Variants in SPON1 observed in about 807,000 individuals in gnomAD.
The protein encoded by SPON1 is spondin-1.
A neutral mutation model predicts 111.7 loss-of-function variants in SPON1; 52 were observed. That is an observed-to-expected ratio of 0.47 (90% CI 0.37 to 0.59). SPON1 has a LOEUF of 0.59. Among genes scored for constraint, SPON1 ranks in the 20% least tolerant of loss-of-function variants. The pLI, the probability that SPON1 is intolerant of heterozygous loss-of-function variation, is 0.00. For synonymous variants in SPON1, 410 were observed against 395.8 expected, an observed-to-expected ratio of 1.04 and a Z score of -0.43; for missense variants, 957 against 1,068.5, an observed-to-expected ratio of 0.90 and a Z score of 1.46.
intron 6 of SPON1, among the ~76,000 whole-genome samples, chr11:14,197,884 G>A (rs953395317): frequency 6.6e-6 from 1 of 152,080 alleles, no homozygotes; most frequent in Non-Finnish European, 1.5e-5. Context: ...CTTGGAAGGG[G>A]CCTGACCAAA....
Position 14,135,688 on chromosome 11 carries a change from T to C in SPON1, c.825+120T>C. 9.8e-7 allele frequency: 1 copy of C among 1,024,624 alleles called. No homozygotes were observed. Among genetic ancestry groups the C allele is most frequent in the Non-Finnish European group, 1.4e-6 (1 of 700,840 alleles). 63.5% of individuals were successfully genotyped at this position (1,024,624 alleles called of 1,614,324 possible). ...ATGTGGTGGAAGAAAATCTATTTGC[T>C]GAGTTTGGGGGTTTTATGTTAAGTA... On this transcript the variant is annotated intron_variant, in intron 6 of 15. Coordinates refer to ENST00000576479, the MANE Select transcript of SPON1 (RefSeq NM_006108.4). The surrounding 1 kb of genome is among the most constrained non-coding windows in gnomAD (Gnocchi z 4.4).
chr11:14,021,915 G>C (rs1330732341), intron 2 of SPON1, among the ~76,000 whole-genome samples: 1 of 152,110 alleles, frequency 6.6e-6, no homozygotes, highest in African/African-American at 2.4e-5. Flanking sequence ...AAGAACAAAG[G>C]GACCAGGGAT....
At chr11:13,983,321 G>A (rs987317093) in intron 2 of SPON1, among the ~76,000 whole-genome samples, 3 of 152,218 alleles carry the variant, frequency 2.0e-5, no homozygotes, top group African/African-American at 4.8e-5. Flanking sequence ...ACAAGAGCTC[G>A]GGACCGCCAG....
chr11:14,094,137 G>A (rs577029826), intron 5 of SPON1, among the ~76,000 whole-genome samples: 2 of 151,910 alleles, frequency 1.3e-5, no homozygotes, highest in East Asian at 3.9e-4. Context: ...GCTTGAACCT[G>A]GGAGGCAGAG....
At chr11:14,234,221 C>T (rs1554939018) in intron 6 of SPON1, among the ~76,000 whole-genome samples, 1 of 152,176 alleles carries the variant, frequency 6.6e-6, no homozygotes, top group East Asian at 1.9e-4. Context: ...GGCAGACAGC[C>T]CTTGCTTGAT....
chr11:14,105,937 C>T (rs973185178), intron 5 of SPON1, among the ~76,000 whole-genome samples: 1 of 152,140 alleles, frequency 6.6e-6, no homozygotes, highest in African/African-American at 2.4e-5. Context: ...AGTCCCATTA[C>T]CACTGAGAGG....
At chr11:14,105,144 G>A (rs1413136995) in intron 5 of SPON1, among the ~76,000 whole-genome samples, 2 of 151,870 alleles carry the variant, frequency 1.3e-5, no homozygotes, top group Non-Finnish European at 2.9e-5. Context: ...TTTTCTTCTA[G>A]TGGATCTTTT....
At chr11:14,157,625 TC>T (rs781822917) in intron 6 of SPON1, among the ~76,000 whole-genome samples, 14 of 152,158 alleles carry the variant, frequency 9.2e-5, no homozygotes, top group Non-Finnish European at 1.3e-4. Context: ...ATTGGTTCTA[TC>T]CCAATATTCT....
intron 6 of SPON1, among the ~76,000 whole-genome samples, chr11:14,226,521 A>G (rs1370052546): frequency 1.3e-5 from 2 of 152,230 alleles, no homozygotes. Context: ...CATATCACAA[A>G]TTGCTAGCCT....
At chr11:14,127,418 C>T (rs1847473137) in intron 5 of SPON1, among the ~76,000 whole-genome samples, 1 of 152,140 alleles carries the variant, frequency 6.6e-6, no homozygotes, top group Non-Finnish European at 1.5e-5. Flanking sequence ...CCCCCTACCA[C>T]TGCCCTAAGT....
intron 6 of SPON1, among the ~76,000 whole-genome samples, chr11:14,160,403 TTA>T (rs1330669834): frequency 0.014 from 380 of 27,660 alleles, 63 homozygotes; most frequent in African/African-American, 0.034. Context: ...ATATATATAT[TTA>T]TATATATATA....
At chr11:14,258,022 C>T (rs1554941428) in intron 11 of SPON1, 124 bp downstream of exon 11, 2 of 846,908 alleles carry the variant, frequency 2.4e-6, no homozygotes, top group Non-Finnish European at 3.4e-6. Flanking sequence ...CAGTGGGGTC[C>T]ACCTTGGGCA....
intron 7 of SPON1, among the ~76,000 whole-genome samples, chr11:14,244,093 C>A (rs1266591000): frequency 1.3e-5 from 2 of 152,178 alleles, no homozygotes; most frequent in East Asian, 3.9e-4. Context: ...GCTCACAAAT[C>A]AGTCCTTACT....
chr11:14,010,053 G>A (rs116735960), intron 2 of SPON1, among the ~76,000 whole-genome samples: 1,611 of 152,308 alleles, frequency 0.011, 30 homozygotes, highest in African/African-American at 0.037. Flanking sequence ...GACACACAGA[G>A]ATGCTCAATA....
intron 6 of SPON1, among the ~76,000 whole-genome samples, chr11:14,145,614 G>T (rs1161801009): frequency 3.9e-5 from 6 of 152,142 alleles, no homozygotes; most frequent in Non-Finnish European, 8.8e-5. Context: ...GTTCAGGAGT[G>T]TTAGGTATAT....
rs1421679447 is a variant in SPON1, at chr11:14,135,026, G to C, written c.677-394G>C. 6.2e-6 allele frequency: 1 copy of C among 160,402 alleles called. No homozygotes were observed. The highest frequency in any genetic ancestry group is 1.4e-5 in the Non-Finnish European group (1 of 73,218). The allele number at this position is 160,402 out of a possible 1,614,324, so 9.9% of individuals were successfully genotyped here. ...ACCCTGAATGCACCCAATCTTGTCTGATCTCAGAAGCTAAGCAGGGTCAAG... is the reference window on the plus strand; with the variant it reads ...ACCCTGAATGCACCCAATCTTGTCTCATCTCAGAAGCTAAGCAGGGTCAAG... On this transcript the variant is annotated intron_variant, in intron 5 of 15. Transcript: ENST00000576479. The surrounding 1 kb of genome is among the most constrained non-coding windows in gnomAD (Gnocchi z 4.4).
intron 6 of SPON1, among the ~76,000 whole-genome samples, chr11:14,160,841 ATT>A (rs1554931052): frequency 2.1e-5 from 1 of 46,562 alleles, no homozygotes; most frequent in African/African-American, 8.3e-5. Context: ...ATATTTATAT[ATT>A]TATATATTTA....
At chr11:14,244,416 GCTGAGGCAGGAGAATCA>G (rs1427929799) in intron 7 of SPON1, among the ~76,000 whole-genome samples, 1 of 151,950 alleles carries the variant, frequency 6.6e-6, no homozygotes, top group Admixed American at 6.6e-5. Flanking sequence ...TATTTGGGAG[GCTGAGGCAGGAGAATCA>G]CTTGAACCAG....
chr11:13,989,465 A>G (rs1848210963), intron 2 of SPON1, among the ~76,000 whole-genome samples: 2 of 152,156 alleles, frequency 1.3e-5, no homozygotes, highest in South Asian at 4.2e-4. Context: ...CTAGCAGTCT[A>G]TCTATTTTGT....
Sources: gnomAD v4.1 joint callset for allele counts (sites outside exome capture counted in the v4.1 genomes callset) on GRCh38, gnomAD v4.1.1 for gene constraint, Gnocchi (gnomAD v3.1) non-coding constraint, MANE v1.5 for transcripts, NCBI Gene and HGNC (gene_info 2026-07-23, HGNC 2026-07-21) for gene names.